Variants in PREX2 observed in about 807,000 individuals in gnomAD.
PREX2 encodes the protein phosphatidylinositol 3,4,5-trisphosphate-dependent Rac exchanger 2 protein.
Under a neutral mutation model 203.2 loss-of-function variants are expected in PREX2, and 107 were observed. That is an observed-to-expected ratio of 0.53 (90% CI 0.45 to 0.62). The LOEUF is 0.62. Among genes scored for constraint, PREX2 ranks in the 20% least tolerant of loss-of-function variants. The probability of loss-of-function intolerance (pLI) is 0.00; values close to 1 mark genes in which losing one functional copy is unlikely to be tolerated. For missense variants in PREX2, 1,777 were observed against 1,955.9 expected (o/e 0.91, Z 1.72); for synonymous variants, 672 against 663.6 (o/e 1.01, Z -0.19).
chr8:67,953,455 G>A (rs1805412209), intron 1 of PREX2, among the ~76,000 whole-genome samples: 1 of 151,982 alleles, frequency 6.6e-6, no homozygotes, highest in South Asian at 2.1e-4. Flanking sequence ...TTGAGCCTTG[G>A]CTTCTTTCCA....
At chr8:68,204,008 G>A (rs1461459715) in intron 37 of PREX2, among the ~76,000 whole-genome samples, 1 of 152,090 alleles carries the variant, frequency 6.6e-6, no homozygotes, top group Non-Finnish European at 1.5e-5. Flanking sequence ...GCTGGGATAG[G>A]TACCCAACCT....
chr8:68,210,422 A>G (rs1370585241), intron 37 of PREX2, among the ~76,000 whole-genome samples: 10 of 152,170 alleles, frequency 6.6e-5, no homozygotes, highest in Admixed American at 6.5e-4. Flanking sequence ...CCCTCAGGAA[A>G]TAGCAATATA....
At chr8:68,196,478 CATATATATATATGTACAT>C (rs1563583066) in intron 37 of PREX2, among the ~76,000 whole-genome samples, 1 of 145,078 alleles carries the variant, frequency 6.9e-6, no homozygotes, top group Admixed American at 7.0e-5. Flanking sequence ...TATATATGTA[CATATATATATATGTACAT>C]ATATATAGTG....
intron 20 of PREX2, among the ~76,000 whole-genome samples, chr8:68,093,081 C>T (rs1054987716): frequency 2.0e-5 from 3 of 152,096 alleles, no homozygotes; most frequent in African/African-American, 7.2e-5. Flanking sequence ...GAAGATAAAA[C>T]TTGAAGCTTT....
intron 25 of PREX2, among the ~76,000 whole-genome samples, chr8:68,111,927 A>C (rs1442974350): frequency 6.6e-6 from 1 of 152,166 alleles, no homozygotes; most frequent in Non-Finnish European, 1.5e-5. Flanking sequence ...TGTGTTGCCA[A>C]CTTTTAAGAG....
Position 68,120,876 on chromosome 8 carries a change from T to C in PREX2, c.3596-45T>C, listed in dbSNP as rs376550936. The stretch of plus-strand genomic sequence containing the variant: ...TTTGAAGCCTAAAGGCTTCATTGTT[T>C]AGGAATTATTTGAGACTTAAGAGAG... On this transcript the variant is annotated intron_variant, in intron 29 of 39. Transcript: ENST00000288368. 6.3e-5 allele frequency: 99 copies of C among 1,575,424 alleles called. No individual in the cohort carries two copies. The African/African-American group carries it at 1.1e-3, about 17-fold the overall frequency.
intron 31 of PREX2, among the ~76,000 whole-genome samples, chr8:68,132,733 G>A (rs1811032131): frequency 6.6e-6 from 1 of 152,100 alleles, no homozygotes; most frequent in Non-Finnish European, 1.5e-5. Context: ...CTTTATTCCA[G>A]AAGAGTCTAT....
chr8:68,107,284 T>C (rs1037437092), intron 23 of PREX2, among the ~76,000 whole-genome samples: 5 of 151,992 alleles, frequency 3.3e-5, no homozygotes, highest in African/African-American at 1.2e-4. Context: ...AGTGAGTAGA[T>C]AGTGTGTGAG....
Position 68,127,437 on chromosome 8 carries a change from A to T in PREX2, c.3766+18A>T, listed in dbSNP as rs1563557581. 11 of 1,568,860 alleles carry T rather than the reference A, an allele frequency of 7.0e-6. No individual in the cohort carries two copies. Among genetic ancestry groups the T allele is most frequent in the African/African-American group, 4.1e-5 (3 of 73,538 alleles). ...ATATTCAGGTAACATTTTGCATTTT[A>T]TTTTTTTTTACTATTTAAGTGATTG... On this transcript the variant is annotated intron_variant, in intron 31 of 39. Coordinates refer to ENST00000288368, the MANE Select transcript of PREX2 (RefSeq NM_024870.4).
intron 1 of PREX2, among the ~76,000 whole-genome samples, chr8:67,971,401 AGGGT>A (rs1214615017): frequency 1.3e-5 from 2 of 152,120 alleles, no homozygotes; most frequent in Non-Finnish European, 2.9e-5. Context: ...GCGGGGAGAG[AGGGT>A]GGAAGTCAAG....
chr8:68,172,518 A>G (rs903585863), intron 35 of PREX2, among the ~76,000 whole-genome samples: 8 of 152,220 alleles, frequency 5.3e-5, no homozygotes, highest in African/African-American at 1.9e-4. Context: ...CAATATGTGA[A>G]ACAAATTATG....
At chr8:68,134,922 C>G (rs1434560312) in intron 32 of PREX2, among the ~76,000 whole-genome samples, 1 of 152,082 alleles carries the variant, frequency 6.6e-6, no homozygotes, top group African/African-American at 2.4e-5. Context: ...ACGTATACCT[C>G]CTGTGGTTTG....
At chr8:68,029,820 G>T (rs1000409814) in intron 5 of PREX2, among the ~76,000 whole-genome samples, 1 of 151,978 alleles carries the variant, frequency 6.6e-6, no homozygotes, top group Non-Finnish European at 1.5e-5. Flanking sequence ...TTTGATGAAT[G>T]GGAAAAATAT....
chr8:67,995,464 A>T (rs1008230850), intron 1 of PREX2, among the ~76,000 whole-genome samples: 5 of 152,202 alleles, frequency 3.3e-5, no homozygotes, highest in African/African-American at 1.2e-4. Flanking sequence ...AGACAGAATT[A>T]GTTCATCCTT....
In PREX2 at chr8:68,099,710, A is replaced by G. The variant is rs763103006; in HGVS notation, c.2582A>G (p.Glu861Gly). The G allele has an allele frequency of 6.2e-7, 1 of 1,613,862 alleles. No homozygotes were observed. Among genetic ancestry groups the G allele is most frequent in the South Asian group, 1.1e-5 (1 of 91,072 alleles). Residue 861 changes from glutamate to glycine, a missense_variant, in exon 23 of 40, where the codon GAG becomes GGG. Glu to Gly is a moderately conservative substitution (Grantham distance 98). Coordinates refer to ENST00000288368, the MANE Select transcript of PREX2 (RefSeq NM_024870.4). ...KILEALAKSD[E>G]HFVQNCTSLN... Reference sequence around the variant, plus strand: ...CTTGAAGCCCTGGCTAAAAGTGATGAGCATTTTGTACAAAACTGTACCAGC... The same window carrying G: ...CTTGAAGCCCTGGCTAAAAGTGATGGGCATTTTGTACAAAACTGTACCAGC...
chr8:67,978,591 G>A (rs1013750187), intron 1 of PREX2, among the ~76,000 whole-genome samples: 3 of 151,986 alleles, frequency 2.0e-5, no homozygotes, highest in Non-Finnish European at 4.4e-5. Flanking sequence ...AATGTAATAC[G>A]CTTCATCCAT....
At position 67,978,420 on chromosome 8, in the gene PREX2, T is replaced by C. The variant is rs528892481; in HGVS notation, c.141+25885T>C. On this transcript the variant is annotated intron_variant, in intron 1 of 39. Transcript: ENST00000288368. ...GCAACCACTTTGACTTCCAGCACCATAGATTGTTTTGTCTGGTTTTAAAAT... is the reference window on the plus strand; with the variant it reads ...GCAACCACTTTGACTTCCAGCACCACAGATTGTTTTGTCTGGTTTTAAAAT... Among the ~76,000 whole-genome samples the C allele has an allele frequency of 2.1e-3, 319 of 152,336 alleles. 2 individuals are homozygous for C. Among genetic ancestry groups the C allele is most frequent in the South Asian group, 9.3e-3 (45 of 4,830 alleles).
At chr8:68,180,667 AG>A (rs1231979486) in intron 35 of PREX2, among the ~76,000 whole-genome samples, 7 of 152,132 alleles carry the variant, frequency 4.6e-5, no homozygotes, top group Non-Finnish European at 1.5e-5. Flanking sequence ...CAAAGTCAAA[AG>A]GGCAAGGGAA....
chr8:68,209,126 A>T (rs1812699667), intron 37 of PREX2, among the ~76,000 whole-genome samples: 1 of 151,890 alleles, frequency 6.6e-6, no homozygotes, highest in Non-Finnish European at 1.5e-5. Context: ...TTCTGCTTAT[A>T]AAAAGAGTGG....
Sources: allele counts gnomAD v4.1 joint callset (sites outside exome capture counted in the v4.1 genomes callset), GRCh38; gene constraint gnomAD v4.1.1; transcripts MANE v1.5; gene names NCBI Gene and HGNC (gene_info 2026-07-23, HGNC 2026-07-21).